RUVBL1: variants seen among roughly 807,000 people sequenced by gnomAD.
RUVBL1 encodes RuvB like AAA ATPase 1, also known as ruvB-like 1.
In RUVBL1, 4 loss-of-function variants were observed where a neutral mutation model predicts 52.4. The observed-to-expected ratio is 0.08, with a 90% CI of 0.04 to 0.17. RUVBL1 has a LOEUF of 0.17. RUVBL1 is among the 10% of genes least tolerant of loss of function. The pLI is 1.00. For synonymous variants in RUVBL1, 217 were observed against 214.4 expected (o/e 1.01, Z -0.10); for missense variants, 298 against 572.8 (o/e 0.52, Z 4.90).
At chr3:128,094,728 C>T (rs1032897712) in intron 8 of RUVBL1, among the ~76,000 whole-genome samples, 2 of 152,154 alleles carry the variant, frequency 1.3e-5, no homozygotes, top group African/African-American at 4.8e-5. Flanking sequence ...CACAGGAAGC[C>T]CTCAGTTAGT....
chr3:128,119,421 A>G lies in RUVBL1; in HGVS notation c.142-7T>C. ...CTACTATGACGCCACATGCCTACAC[A>G]CCACAATGGAAAGAAATAATAAATC... On this transcript the variant is annotated splice_polypyrimidine_tract_variant and splice_region_variant and intron_variant, in intron 1 of 10. Transcript: ENST00000322623. 1.2e-6 allele frequency: 2 copies of G among 1,603,146 alleles called. No individual in the cohort carries two copies. Among genetic ancestry groups the G allele is most frequent in the Non-Finnish European group, 1.7e-6 (2 of 1,172,518 alleles).
At chr3:128,136,358 G>A (rs954246460) in intron 1 of RUVBL1, among the ~76,000 whole-genome samples, 1 of 152,138 alleles carries the variant, frequency 6.6e-6, no homozygotes, top group Non-Finnish European at 1.5e-5. Flanking sequence ...CCTGCCAGGT[G>A]TGGTGGCTCA....
chr3:128,142,925 C>T lies in RUVBL1; in HGVS notation c.-40+10278G>A, dbSNP rs534486573. 1.4e-4 allele frequency among the ~76,000 whole-genome samples: 22 copies of T among 152,094 alleles called. No individual in the cohort carries two copies. The South Asian group carries it at 4.0e-3, about 27-fold the overall frequency. On this transcript the variant is annotated intron_variant, in intron 1 of 9. Transcript: ENST00000464873. Reference sequence around the variant, plus strand: ...CCTCCAGAGTAGCTGGCATTACAGGCGCACGCCACCACACTCAGCTAATTT... The same window carrying T: ...CCTCCAGAGTAGCTGGCATTACAGGTGCACGCCACCACACTCAGCTAATTT...
At chr3:128,120,542 G>A (rs1943619896) in intron 1 of RUVBL1, among the ~76,000 whole-genome samples, 1 of 152,278 alleles carries the variant, frequency 6.6e-6, no homozygotes. Context: ...TACACTAGCT[G>A]AGCATCTATA....
At chr3:128,145,116 A>T (rs1456071739) in intron 1 of RUVBL1, among the ~76,000 whole-genome samples, 1 of 152,218 alleles carries the variant, frequency 6.6e-6, no homozygotes, top group Non-Finnish European at 1.5e-5. Flanking sequence ...CTTCCCCCAG[A>T]CTTTTTAGCT....
intron 1 of RUVBL1, among the ~76,000 whole-genome samples, chr3:128,131,384 C>A (rs569366226): frequency 4.4e-4 from 67 of 152,204 alleles, no homozygotes; most frequent in Admixed American, 3.1e-3. Context: ...GAGGCTGAGG[C>A]AGAGAATCAC....
chr3:128,121,225 A>G (rs555426061), intron 1 of RUVBL1, among the ~76,000 whole-genome samples: 1 of 151,230 alleles, frequency 6.6e-6, no homozygotes, highest in East Asian at 2.1e-4. Context: ...CCTCACGAAT[A>G]ACTGAGACTA....
At chr3:128,098,835 G>A in intron 7 of RUVBL1, 47 bp downstream of exon 7, 1 of 1,537,784 alleles carries the variant, frequency 6.5e-7, no homozygotes, top group Non-Finnish European at 9.0e-7. Flanking sequence ...CAGAATGTGG[G>A]GCCCTCCGCC....
At chr3:128,114,890 C>A (rs976069490) in intron 2 of RUVBL1, among the ~76,000 whole-genome samples, 3 of 152,140 alleles carry the variant, frequency 2.0e-5, no homozygotes, top group Admixed American at 2.0e-4. Context: ...CAATTCCCTA[C>A]CCTCAGTTTT....
At chr3:128,151,387 C>T (rs1366659308) in intron 1 of RUVBL1, among the ~76,000 whole-genome samples, 1 of 150,886 alleles carries the variant, frequency 6.6e-6, no homozygotes, top group Non-Finnish European at 1.5e-5. Context: ...TTTTCATTAC[C>T]ATTTCAGGAT....
chr3:128,097,257 T>C (rs749395859), intron 8 of RUVBL1, 43 bp downstream of exon 8: 3 of 1,562,314 alleles, frequency 1.9e-6, no homozygotes, highest in Non-Finnish European at 2.6e-6. Context: ...TGAGCCCAGA[T>C]GGAAGTTAAA....
downstream of RUVBL1, among the ~76,000 whole-genome samples, chr3:128,078,413 C>T (rs1942388101): frequency 6.6e-6 from 1 of 152,200 alleles, no homozygotes; most frequent in Admixed American, 6.5e-5. Context: ...GGGCCAGGGA[C>T]GCGTCTTTCA....
At chr3:128,084,888 C>CA (rs1942593084) in intron 9 of RUVBL1, 2 of 152,462 alleles carry the variant, frequency 1.3e-5, no homozygotes, top group African/African-American at 4.8e-5. Context: ...AGAGCCAAGA[C>CA]AGCCCCAGCC....
At chr3:128,151,459 T>C (rs1054465332) in intron 1 of RUVBL1, among the ~76,000 whole-genome samples, 3 of 151,954 alleles carry the variant, frequency 2.0e-5, no homozygotes, top group African/African-American at 4.8e-5. Context: ...ACAAAGTCTT[T>C]GTTAGTTGAA....
At chr3:128,119,978 C>A (rs1036282511) in intron 1 of RUVBL1, among the ~76,000 whole-genome samples, 1 of 152,164 alleles carries the variant, frequency 6.6e-6, no homozygotes, top group African/African-American at 2.4e-5. Flanking sequence ...ATAAATAATA[C>A]AAAGCCACTG....
chr3:128,152,654 A>G (rs1158224021), intron 1 of RUVBL1, among the ~76,000 whole-genome samples: 1 of 152,098 alleles, frequency 6.6e-6, no homozygotes, highest in African/African-American at 2.4e-5. Flanking sequence ...GAATGATTGG[A>G]AGTGTGTCCG....
chr3:128,100,519 T>C, intron 6 of RUVBL1, 76 bp downstream of exon 6: 1 of 1,501,866 alleles, frequency 6.7e-7, no homozygotes, highest in Non-Finnish European at 8.9e-7. Context: ...AGCAAGACTC[T>C]GACAATTCAT....
At chr3:128,100,025 C>T (rs1251325356) in intron 6 of RUVBL1, among the ~76,000 whole-genome samples, 2 of 152,170 alleles carry the variant, frequency 1.3e-5, no homozygotes, top group African/African-American at 2.4e-5. Context: ...AAAACACCCA[C>T]GGATCAAATT....
At chr3:128,144,044 G>A (rs1944069171) in intron 1 of RUVBL1, among the ~76,000 whole-genome samples, 1 of 152,144 alleles carries the variant, frequency 6.6e-6, no homozygotes. Context: ...CACTATATCA[G>A]GCTTCCTTGA....
Sources: allele counts gnomAD v4.1 joint callset (sites outside exome capture counted in the v4.1 genomes callset), GRCh38; gene constraint gnomAD v4.1.1; transcripts MANE v1.5; gene names NCBI Gene and HGNC (gene_info 2026-07-23, HGNC 2026-07-21).